The following PPP1R12A variants were observed in gnomAD, a reference collection of about 807,000 sequenced individuals.
PPP1R12A encodes the protein protein phosphatase 1 regulatory subunit 12A.
Under a neutral mutation model 139.6 loss-of-function variants are expected in PPP1R12A, and 19 were observed. The observed-to-expected ratio is 0.14, with a 90% CI of 0.09 to 0.20. PPP1R12A has a LOEUF of 0.20. Ranked by LOEUF, PPP1R12A falls within the 10% of genes least tolerant of loss-of-function variation. PPP1R12A has a pLI of 1.00. For missense variants in PPP1R12A, 925 were observed against 1,211.5 expected (o/e 0.76, Z 3.51); for synonymous variants, 427 against 420.6 (o/e 1.02, Z -0.19).
chr12:79,782,656 A>C, intron 22 of PPP1R12A: 1 of 416,848 alleles, frequency 2.4e-6, no homozygotes, highest in Non-Finnish European at 4.7e-6. Flanking sequence ...AAAAGAAAAA[A>C]ACAGTGGCAT....
intron 14 of PPP1R12A, among the ~76,000 whole-genome samples, chr12:79,800,934 C>G (rs1052600497): frequency 6.6e-6 from 1 of 151,776 alleles, no homozygotes; most frequent in South Asian, 2.1e-4. Flanking sequence ...GGGGTTTCAC[C>G]CTGTTAGCCA....
chr12:79,826,314 A>T (rs191566883), intron 5 of PPP1R12A, among the ~76,000 whole-genome samples: 33 of 151,684 alleles, frequency 2.2e-4, no homozygotes, highest in Non-Finnish European at 4.3e-4. Flanking sequence ...ATTCTATGTA[A>T]ATATGAGGCA....
At chr12:79,777,955 T>A (rs977689857) in intron 24 of PPP1R12A, among the ~76,000 whole-genome samples, 102 of 152,296 alleles carry the variant, frequency 6.7e-4, no homozygotes, top group Non-Finnish European at 1.2e-3. Flanking sequence ...TACAATATAC[T>A]TACTATGCAC....
chr12:79,904,182 T>C (rs974082311), intron 1 of PPP1R12A, among the ~76,000 whole-genome samples: 3 of 151,024 alleles, frequency 2.0e-5, no homozygotes, highest in African/African-American at 7.3e-5. Flanking sequence ...ACCACTGCAC[T>C]CCAGCCTGGG....
In PPP1R12A at chr12:79,780,391, T is replaced by C. The variant is rs373238148; in HGVS notation, c.2955+1424A>G. ...TAGCTACTTTGTAATTTATCTGCAT[T>C]TGACAAGCAGAAAAAGGAGGTTAGG... On this transcript the variant is annotated intron_variant, in intron 23 of 24. Coordinates refer to ENST00000450142, the MANE Select transcript of PPP1R12A (RefSeq NM_002480.3). 7.2e-5 allele frequency: 11 copies of C among 152,218 alleles called. No homozygotes were observed. In the South Asian group the frequency reaches 1.2e-3, roughly 17 times the overall value. 9.4% of individuals were successfully genotyped at this position (152,218 alleles called of 1,614,324 possible).
At chr12:79,882,514 T>C (rs1181236165) in intron 1 of PPP1R12A, among the ~76,000 whole-genome samples, 1 of 152,212 alleles carries the variant, frequency 6.6e-6, no homozygotes, top group Non-Finnish European at 1.5e-5. Flanking sequence ...GAGTTATTTC[T>C]CATGGACAAG....
chr12:79,802,885 C>T (rs945874504), intron 14 of PPP1R12A, among the ~76,000 whole-genome samples: 1 of 152,196 alleles, frequency 6.6e-6, no homozygotes, highest in Non-Finnish European at 1.5e-5. Flanking sequence ...AATTTGACTA[C>T]AGTGAAATGT....
At chr12:79,780,900 TTTATA>T (rs1870364678) in intron 23 of PPP1R12A, among the ~76,000 whole-genome samples, 1 of 152,198 alleles carries the variant, frequency 6.6e-6, no homozygotes, top group Admixed American at 6.5e-5. Flanking sequence ...TAACACTATT[TTTATA>T]TTCTTTTTTT....
intron 2 of PPP1R12A, among the ~76,000 whole-genome samples, chr12:79,859,398 G>A (rs906335696): frequency 8.7e-5 from 13 of 150,028 alleles, no homozygotes; most frequent in Middle Eastern, 3.2e-3. Flanking sequence ...AAGAGAGATG[G>A]AAAAAGGTAA....
At position 79,809,844 on chromosome 12, in the gene PPP1R12A, C is replaced by T. The variant is rs771696537; in HGVS notation, c.1406G>A (p.Arg469His). Residue 469 changes from arginine to histidine, a missense_variant, in exon 10 of 25, where the codon CGT becomes CAT. Transcript: ENST00000450142. ...GGAAAGTCTGGGACTTGAAGCTGAA[C>T]GTGTAACACCTGCAGTATCTTTTTC... ...QKEKDTAGVT[R>H]SASSPRLSSS... The T allele has an allele frequency of 4.3e-6, 7 of 1,613,468 alleles. No individual in the cohort carries two copies. Among genetic ancestry groups the T allele is most frequent in the South Asian group, 1.1e-5 (1 of 91,042 alleles).
chr12:79,929,407 T>C (rs910962345), intron 1 of PPP1R12A, among the ~76,000 whole-genome samples: 2 of 152,172 alleles, frequency 1.3e-5, no homozygotes, highest in Non-Finnish European at 1.5e-5. Flanking sequence ...CTGGATATAA[T>C]ATTTTTCTAC....
chr12:79,789,655 A>T (rs1871560215), intron 20 of PPP1R12A: 1 of 454,552 alleles, frequency 2.2e-6, no homozygotes, highest in African/African-American at 2.0e-5. Flanking sequence ...ATCAGTAGAC[A>T]GAAATTTATT....
At chr12:79,885,206 CT>C (rs1883994663) in intron 1 of PPP1R12A, among the ~76,000 whole-genome samples, 1 of 151,942 alleles carries the variant, frequency 6.6e-6, no homozygotes, top group Admixed American at 6.6e-5. Flanking sequence ...GTTGGGTGTT[CT>C]TGGGTAAACT....
At chr12:79,778,723 G>T in intron 23 of PPP1R12A, 123 bp from the exon 24 acceptor site, 1 of 547,272 alleles carries the variant, frequency 1.8e-6, no homozygotes, top group Non-Finnish European at 2.9e-6. Context: ...TAGAAAAGAT[G>T]TGATGCCAGT....
At chr12:79,915,557 G>A (rs1468202488) in intron 1 of PPP1R12A, among the ~76,000 whole-genome samples, 2 of 151,994 alleles carry the variant, frequency 1.3e-5, no homozygotes, top group African/African-American at 4.8e-5. Flanking sequence ...AACTTCCAAT[G>A]ACTTACTTCT....
In PPP1R12A at chr12:79,806,301, A is replaced by T; in HGVS notation, c.1688T>A (p.Ile563Asn). The T allele has an allele frequency of 6.2e-7, 1 of 1,613,814 alleles. No homozygotes were observed. Among genetic ancestry groups the T allele is most frequent in the African/African-American group, 1.3e-5 (1 of 75,046 alleles). Residue 563 changes from isoleucine (I) to asparagine (N), a missense_variant, in exon 13 of 25, where the codon ATT becomes AAT. Physicochemically the swap from Ile to Asn is moderately radical, Grantham distance 149. Coordinates refer to ENST00000450142, the MANE Select transcript of PPP1R12A (RefSeq NM_002480.3). ...CSFGRRQDDL[I>N]SSSVPSTTST... ...TGTGGTGCTTGGAACACTAGAACTA[A>T]TCAAATCATCTTGTCTTCTACCAAA...
At chr12:79,853,741 A>C (rs769235314) in intron 2 of PPP1R12A, among the ~76,000 whole-genome samples, 2 of 152,234 alleles carry the variant, frequency 1.3e-5, no homozygotes, top group Non-Finnish European at 2.9e-5. Flanking sequence ...TTTATTAAAA[A>C]CATTTACATG....
Position 79,773,841 on chromosome 12 carries a change from T to C in PPP1R12A, c.*2088A>G, listed in dbSNP as rs759379218. ...ACATTTAAAATAGTTTTATTCATTT[T>C]ATTTGTATATGTCAAAATACATTTT... is the stretch of plus-strand genomic sequence containing the variant. On this transcript the variant is annotated 3_prime_UTR_variant, in exon 25 of 25. Coordinates refer to ENST00000450142, the MANE Select transcript of PPP1R12A (RefSeq NM_002480.3). 6.6e-6 allele frequency: 1 copy of C among 152,262 alleles called. No homozygotes were observed. The highest frequency in any genetic ancestry group is 1.5e-5 in the Non-Finnish European group (1 of 68,042). The allele number at this position is 152,262 out of a possible 1,614,324, so 9.4% of individuals were successfully genotyped here. A position where few individuals can be genotyped will look rare whatever the true frequency, so the allele number is the denominator to read the frequency against.
intron 2 of PPP1R12A, among the ~76,000 whole-genome samples, chr12:79,869,121 C>T (rs907212091): frequency 3.3e-5 from 5 of 152,164 alleles, no homozygotes; most frequent in African/African-American, 1.2e-4. Context: ...AGGACTTCTA[C>T]CTTGTTAAGA....
Sources: allele counts gnomAD v4.1 joint callset (sites outside exome capture counted in the v4.1 genomes callset), GRCh38; gene constraint gnomAD v4.1.1; transcripts MANE v1.5; gene names NCBI Gene and HGNC (gene_info 2026-07-23, HGNC 2026-07-21).